ADAMTSL3: variants seen among roughly 807,000 people sequenced by gnomAD.
ADAMTSL3 encodes ADAMTS-like protein 3.
ADAMTSL3 carries 128 observed loss-of-function variants against 201.7 expected under a neutral mutation model. The observed-to-expected ratio is 0.63, with a 90% CI of 0.55 to 0.73. The LOEUF is 0.73. Among genes scored for constraint, ADAMTSL3 ranks in the 30% least tolerant of loss-of-function variants. The probability of loss-of-function intolerance (pLI) is 0.00; values close to 1 mark genes in which losing one functional copy is unlikely to be tolerated. For missense variants in ADAMTSL3, 1,990 were observed against 2,119.6 expected (o/e 0.94, Z 1.20); for synonymous variants, 738 against 748.4 (o/e 0.99, Z 0.23).
Position 84,010,086 on chromosome 15 carries a change from G to A in ADAMTSL3, c.3974-4456G>A, listed in dbSNP as rs1193128369. 5.3e-5 allele frequency among the ~76,000 whole-genome samples: 8 copies of A among 152,320 alleles called. No homozygotes were observed. In the South Asian group the frequency reaches 1.4e-3, roughly 28 times the overall value. On this transcript the variant is annotated intron_variant, in intron 23 of 29. Transcript: ENST00000286744. ...AATTGTAAAATGCTTTCAAGTCTAT[G>A]AATTGCTTTTAGAAATGTTCAGTCA...
At chr15:83,873,417 T>G (rs2141834718) in intron 9 of ADAMTSL3, among the ~76,000 whole-genome samples, 1 of 145,886 alleles carries the variant, frequency 6.9e-6, no homozygotes. Context: ...CATTGGTTTT[T>G]TTTGTTTGTT....
At chr15:83,912,414 T>C (rs12914857) in intron 15 of ADAMTSL3, among the ~76,000 whole-genome samples, 95,407 of 152,082 alleles carry the variant, frequency 0.63, 31,026 homozygotes, top group African/African-American at 0.79. Context: ...AGCTGGTAGG[T>C]TGTACCAAAG....
chr15:83,934,091 A>G (rs2066416044), intron 17 of ADAMTSL3, among the ~76,000 whole-genome samples: 1 of 152,172 alleles, frequency 6.6e-6, no homozygotes, highest in African/African-American at 2.4e-5. Flanking sequence ...TATCCTCCAG[A>G]CACCAGAATG....
At chr15:83,988,888 T>A (rs955964539) in intron 22 of ADAMTSL3, 70 bp downstream of exon 22, 3 of 609,886 alleles carry the variant, frequency 4.9e-6, no homozygotes, top group African/African-American at 2.2e-5. Context: ...TATTTATTTA[T>A]TTTTTTTTTT....
At chr15:83,709,050 G>T (rs997104889) in intron 3 of ADAMTSL3, among the ~76,000 whole-genome samples, 2 of 152,140 alleles carry the variant, frequency 1.3e-5, no homozygotes, top group Admixed American at 1.3e-4. Context: ...TAAAAATCCT[G>T]ATTCCACTGT....
chr15:83,756,545 G>T (rs1030427163), intron 3 of ADAMTSL3, among the ~76,000 whole-genome samples: 1 of 152,160 alleles, frequency 6.6e-6, no homozygotes, highest in East Asian at 1.9e-4. Context: ...AATTATGGGA[G>T]CTGCAATTTG....
intron 23 of ADAMTSL3, among the ~76,000 whole-genome samples, chr15:84,004,761 A>T (rs1161163373): frequency 6.6e-6 from 1 of 152,212 alleles, no homozygotes; most frequent in Non-Finnish European, 1.5e-5. Context: ...GTCCAAGAGG[A>T]TCAAGGAAGT....
chr15:83,988,394 A>T lies in ADAMTSL3; in HGVS notation c.3717-297A>T, dbSNP rs560564881. ...GTTGTCTTTTTTTAAAATGTGGCAG[A>T]TTAAGCATTGAGTTCACCAGAAAAG... is the stretch of plus-strand genomic sequence containing the variant. On this transcript the variant is annotated intron_variant, in intron 21 of 29. Transcript: ENST00000286744. Among the ~76,000 whole-genome samples, 3 of 152,348 alleles carry T rather than the reference A, an allele frequency of 2.0e-5. No homozygotes were observed. The South Asian group carries it at 6.2e-4, about 32-fold the overall frequency.
intron 28 of ADAMTSL3, among the ~76,000 whole-genome samples, chr15:84,035,819 T>C (rs1596562789): frequency 6.6e-6 from 1 of 152,326 alleles, no homozygotes; most frequent in African/African-American, 2.4e-5. Context: ...TGGGAAGTCA[T>C]TGTTTTTTTT....
intron 23 of ADAMTSL3, among the ~76,000 whole-genome samples, chr15:83,996,614 T>A (rs1290184431): frequency 6.6e-6 from 1 of 151,494 alleles, no homozygotes; most frequent in East Asian, 1.9e-4. Flanking sequence ...ACCCTGTCTC[T>A]ACTAAAAATA....
intron 4 of ADAMTSL3, among the ~76,000 whole-genome samples, chr15:83,779,446 C>A (rs1384273102): frequency 6.6e-6 from 1 of 152,030 alleles, no homozygotes; most frequent in African/African-American, 2.4e-5. Context: ...TGCCTGTAAT[C>A]CCAGCACTTT....
intron 6 of ADAMTSL3, among the ~76,000 whole-genome samples, chr15:83,829,362 C>T (rs1296888872): frequency 2.0e-5 from 3 of 152,134 alleles, no homozygotes; most frequent in East Asian, 1.9e-4. Context: ...TCTGTGGGAT[C>T]GGTGGTGATA....
At chr15:83,924,779 C>G (rs1460258733) in intron 17 of ADAMTSL3, among the ~76,000 whole-genome samples, 1 of 152,140 alleles carries the variant, frequency 6.6e-6, no homozygotes, top group South Asian at 2.1e-4. Flanking sequence ...CCAGTCTTTT[C>G]CTTTCTCTCT....
rs2063520994 is a variant in ADAMTSL3, at chr15:83,801,658, ATATAT to A, written c.318-2991_318-2987del. ...TATAAATATATAAATATAAATATAT[ATATAT>A]ATATATATATATATATATATATATA... On this transcript the variant is annotated intron_variant, in intron 4 of 29. Coordinates refer to ENST00000286744, the MANE Select transcript of ADAMTSL3 (RefSeq NM_207517.3). 2.5e-3 allele frequency among the ~76,000 whole-genome samples: 169 copies of A among 68,802 alleles called. 3 individuals carry two copies. The highest frequency in any genetic ancestry group is 0.017 in the East Asian group (48 of 2,836). The allele number at this position is 68,802 out of a possible 152,430, so 45.1% of individuals were successfully genotyped here.
At chr15:83,983,809 T>G (rs2067431225) in intron 21 of ADAMTSL3, among the ~76,000 whole-genome samples, 2 of 152,118 alleles carry the variant, frequency 1.3e-5, no homozygotes, top group Non-Finnish European at 2.9e-5. Context: ...ACCTTTCTGA[T>G]GAGGTAATTG....
intron 16 of ADAMTSL3, 144 bp from the exon 17 acceptor site, chr15:83,923,760 G>A (rs977263254): frequency 1.1e-6 from 1 of 934,506 alleles, no homozygotes; most frequent in Non-Finnish European, 1.6e-6. Context: ...TTTGTTCCCA[G>A]GTGTACCCTG....
intron 2 of ADAMTSL3, among the ~76,000 whole-genome samples, chr15:83,696,415 A>G (rs1445971726): frequency 6.6e-6 from 1 of 152,226 alleles, no homozygotes; most frequent in Non-Finnish European, 1.5e-5. Context: ...CTACCTATGC[A>G]TTAATATTCC....
chr15:83,746,320 C>CATGT (rs897829634), intron 3 of ADAMTSL3, among the ~76,000 whole-genome samples: 1 of 150,138 alleles, frequency 6.7e-6, no homozygotes, highest in Non-Finnish European at 1.5e-5. Context: ...GTAACTGGTT[C>CATGT]ACATGGCCAC....
chr15:83,838,692 A>G (rs1336704050), intron 7 of ADAMTSL3, among the ~76,000 whole-genome samples: 1 of 152,132 alleles, frequency 6.6e-6, no homozygotes, highest in African/African-American at 2.4e-5. Flanking sequence ...TGTCATACCT[A>G]TTTCAAATAT....
Sources: allele counts gnomAD v4.1 joint callset (sites outside exome capture counted in the v4.1 genomes callset), GRCh38; gene constraint gnomAD v4.1.1; transcripts MANE v1.5; gene names NCBI Gene and HGNC (gene_info 2026-07-23, HGNC 2026-07-21).